The following ADIPOR1 variants were observed in gnomAD, a reference collection of about 807,000 sequenced individuals.
ADIPOR1 encodes the protein adiponectin receptor 1.
ADIPOR1 carries 15 observed loss-of-function variants against 37.5 expected under a neutral mutation model. The ratio of observed to expected loss-of-function variants is 0.40; its 90% CI spans 0.27 to 0.62. The LOEUF (loss-of-function observed/expected upper bound fraction) is 0.62, where lower values mean the gene tolerates loss of function less well. Ranked by LOEUF, ADIPOR1 falls within the 20% of genes least tolerant of loss-of-function variation. ADIPOR1 has a pLI of 0.42. For synonymous variants in ADIPOR1, 173 were observed against 173.2 expected, an observed-to-expected ratio of 1.00 and a Z score of 0.01; for missense variants, 286 against 478.0, an observed-to-expected ratio of 0.60 and a Z score of 3.75.
At chr1:202,946,151 T>G (rs977385851) in intron 4 of ADIPOR1, among the ~76,000 whole-genome samples, 4 of 152,140 alleles carry the variant, frequency 2.6e-5, no homozygotes, top group Non-Finnish European at 5.9e-5. Context: ...GGCATTTTAC[T>G]TTTACAGTTG....
intron 6 of ADIPOR1, among the ~76,000 whole-genome samples, chr1:202,943,446 C>A (rs566751839): frequency 6.6e-6 from 1 of 152,154 alleles, no homozygotes; most frequent in African/African-American, 2.4e-5. Context: ...GCTTGGGACT[C>A]GGGTCACTAA....
chr1:202,941,949 C>T, intron 7 of ADIPOR1, 76 bp downstream of exon 7: 2 of 1,461,050 alleles, frequency 1.4e-6, no homozygotes, highest in Non-Finnish European at 1.9e-6. Context: ...CAGTCTCATA[C>T]CACCTTTTCC....
At chr1:202,948,680 G>A (rs1184048744) in intron 2 of ADIPOR1, among the ~76,000 whole-genome samples, 1 of 152,120 alleles carries the variant, frequency 6.6e-6, no homozygotes, top group Admixed American at 6.5e-5. Context: ...CTAGCATTGG[G>A]GGAATACACC....
intron 1 of ADIPOR1, among the ~76,000 whole-genome samples, chr1:202,957,615 A>G (rs973439571): frequency 6.6e-6 from 1 of 152,024 alleles, no homozygotes; most frequent in Non-Finnish European, 1.5e-5. Flanking sequence ...CCCGCATTTC[A>G]GCCTTCAGGA....
chr1:202,943,966 G>A, intron 5 of ADIPOR1, 21 bp from the exon 6 acceptor site: 1 of 1,593,718 alleles, frequency 6.3e-7, no homozygotes. Flanking sequence ...CCACAAAAAT[G>A]AAACAAATCA....
chr1:202,954,019 A>G (rs150254229), intron 1 of ADIPOR1, among the ~76,000 whole-genome samples: 3 of 152,336 alleles, frequency 2.0e-5, no homozygotes, highest in East Asian at 3.9e-4. Flanking sequence ...TTATGCCCTC[A>G]AGTCTTCTGG....
chr1:202,950,825 T>C lies in ADIPOR1; in HGVS notation c.141+105A>G. 2.1e-6 allele frequency: 3 copies of C among 1,432,326 alleles called. No homozygotes were observed. The South Asian group carries it at 3.8e-5, about 18-fold the overall frequency. 88.7% of individuals were successfully genotyped at this position (1,432,326 alleles called of 1,614,324 possible). On this transcript the variant is annotated intron_variant, in intron 2 of 7. Coordinates refer to ENST00000340990, the MANE Select transcript of ADIPOR1 (RefSeq NM_015999.6). Reference sequence around the variant, plus strand: ...GACTTGGATAGAGACATTTCCAGGATGCAATGTTCCTCCTTTTGGACGGTG... The same window carrying C: ...GACTTGGATAGAGACATTTCCAGGACGCAATGTTCCTCCTTTTGGACGGTG...
intron 3 of ADIPOR1, 33 bp from the exon 4 acceptor site, chr1:202,946,643 CTAGATAG>C: frequency 1.2e-6 from 2 of 1,608,774 alleles, no homozygotes; most frequent in Non-Finnish European, 1.7e-6. Flanking sequence ...GGGTAGGGCA[CTAGATAG>C]TACCTTCCCC....
In ADIPOR1 at chr1:202,945,140, A is replaced by G; in HGVS notation, c.460T>C (p.Leu154=). The change falls in exon 5 of 8, where the codon TTG becomes CTG. Residue 154 remains leucine (L), a synonymous_variant. Transcript: ENST00000340990. ...GFVLFLFLGI[L]TMLRPNMYFM... ...TACATATTTGGTCTGAGCATGGTCA[A>G]GATTCCCAAAAAGAGAAACAGCACG... is the stretch of plus-strand genomic sequence containing the variant. The G allele has an allele frequency of 6.2e-7, 1 of 1,611,154 alleles. No individual in the cohort carries two copies. Among genetic ancestry groups the G allele is most frequent in the Non-Finnish European group, 8.5e-7 (1 of 1,179,196 alleles).
At chr1:202,954,041 G>A (rs1654684626) in intron 1 of ADIPOR1, among the ~76,000 whole-genome samples, 2 of 152,178 alleles carry the variant, frequency 1.3e-5, no homozygotes, top group African/African-American at 4.8e-5. Flanking sequence ...TATCATCAAA[G>A]TCTTTTCCTT....
rs150552133 is a variant in ADIPOR1, at chr1:202,950,793, T to C, written c.141+137A>G. ...AGACAACAAGATGTTTATAACAGTA[T>C]CATAGGGACTTGGATAGAGACATTT... is the stretch of plus-strand genomic sequence containing the variant. On this transcript the variant is annotated intron_variant, in intron 2 of 7. Coordinates refer to ENST00000340990, the MANE Select transcript of ADIPOR1 (RefSeq NM_015999.6). 4.2e-6 allele frequency: 5 copies of C among 1,202,578 alleles called. No homozygotes were observed. The East Asian group carries it at 7.0e-5, about 17-fold the overall frequency. 74.5% of individuals were successfully genotyped at this position (1,202,578 alleles called of 1,614,324 possible).
chr1:202,958,464 C>T (rs1228434198), upstream of ADIPOR1: 6 of 153,692 alleles, frequency 3.9e-5, no homozygotes, highest in African/African-American at 1.4e-4. Flanking sequence ...CCTTCCCTGC[C>T]GCCTGCCCAC....
chr1:202,957,120 AC>A (rs1378457643), intron 1 of ADIPOR1, among the ~76,000 whole-genome samples: 1 of 152,162 alleles, frequency 6.6e-6, no homozygotes, highest in African/African-American at 2.4e-5. Context: ...TCTGTTTAGC[AC>A]CACCCTAAAT....
chr1:202,942,778 G>A (rs938330869), intron 6 of ADIPOR1, among the ~76,000 whole-genome samples: 1 of 152,018 alleles, frequency 6.6e-6, no homozygotes, highest in Non-Finnish European at 1.5e-5. Flanking sequence ...CTCCATCTTT[G>A]TAAATACCTT....
intron 6 of ADIPOR1, among the ~76,000 whole-genome samples, chr1:202,942,603 T>C (rs932228036): frequency 3.3e-5 from 5 of 152,178 alleles, no homozygotes; most frequent in African/African-American, 9.7e-5. Flanking sequence ...GTTAAGATCA[T>C]AAAAGTCTTA....
At chr1:202,954,348 G>C (rs796073306) in intron 1 of ADIPOR1, 2 of 152,176 alleles carry the variant, frequency 1.3e-5, no homozygotes, top group African/African-American at 2.4e-5. Context: ...GATAGGGATC[G>C]GACGTCTGGC....
chr1:202,951,785 A>T (rs921075703), intron 1 of ADIPOR1, among the ~76,000 whole-genome samples: 3 of 152,216 alleles, frequency 2.0e-5, no homozygotes, highest in African/African-American at 7.2e-5. Flanking sequence ...CAACCCTGGG[A>T]TAACAAGCTT....
At chr1:202,943,029 G>A (rs372387979) in intron 6 of ADIPOR1, among the ~76,000 whole-genome samples, 19 of 151,842 alleles carry the variant, frequency 1.3e-4, no homozygotes, top group African/African-American at 3.4e-4. Flanking sequence ...CCACAACGCC[G>A]ACTAATTTTT....
intron 6 of ADIPOR1, among the ~76,000 whole-genome samples, chr1:202,942,659 T>C (rs1384900643): frequency 6.6e-6 from 1 of 152,038 alleles, no homozygotes; most frequent in Non-Finnish European, 1.5e-5. Flanking sequence ...ATACCCAGAT[T>C]AGCAGTTATC....
Sources: allele counts gnomAD v4.1 joint callset (sites outside exome capture counted in the v4.1 genomes callset), GRCh38; gene constraint gnomAD v4.1.1; transcripts MANE v1.5; gene names NCBI Gene and HGNC (gene_info 2026-07-23, HGNC 2026-07-21).